Variants in ARMC8 observed in about 807,000 individuals in gnomAD.
ARMC8 encodes armadillo repeat-containing protein 8.
In ARMC8, 20 loss-of-function variants were observed where a neutral mutation model predicts 99.3. That is an observed-to-expected ratio of 0.20 (90% CI 0.14 to 0.29). ARMC8 has a LOEUF of 0.29. Among genes scored for constraint, ARMC8 ranks in the 10% least tolerant of loss-of-function variants. ARMC8 has a pLI of 1.00. For missense variants in ARMC8, 569 were observed against 809.5 expected (o/e 0.70, Z 3.60); for synonymous variants, 263 against 278.3 (o/e 0.95, Z 0.55).
chr3:138,201,981 G>A (rs1254777045), intron 1 of ARMC8, among the ~76,000 whole-genome samples: 1 of 152,140 alleles, frequency 6.6e-6, no homozygotes, highest in Non-Finnish European at 1.5e-5. Flanking sequence ...AACCCTGAGG[G>A]TAAGGAACTC....
At chr3:138,214,951 C>G (rs2044927657) in intron 2 of ARMC8, among the ~76,000 whole-genome samples, 1 of 152,122 alleles carries the variant, frequency 6.6e-6, no homozygotes, top group Non-Finnish European at 1.5e-5. Context: ...CCGTCTTAAT[C>G]AGTTATTTTT....
Position 138,267,113 on chromosome 3 carries a change from A to G in ARMC8, c.1300-42A>G, listed in dbSNP as rs569347451. 2.2e-5 allele frequency: 22 copies of G among 1,006,200 alleles called. No homozygotes were observed. In the African/African-American group the frequency reaches 3.4e-4, roughly 16 times the overall value. 62.3% of individuals were successfully genotyped at this position (1,006,200 alleles called of 1,614,324 possible). A position where few individuals can be genotyped will look rare whatever the true frequency, so the allele number is the denominator to read the frequency against. On this transcript the variant is annotated intron_variant, in intron 14 of 21. Transcript: ENST00000469044. ...ATATCTCATTTTATATCTCATCTTC[A>G]TCATTCCAAATCATTAGTAGTATCC...
intron 2 of ARMC8, among the ~76,000 whole-genome samples, chr3:138,215,120 A>G (rs548432497): frequency 7.9e-4 from 121 of 152,370 alleles, no homozygotes; most frequent in Non-Finnish European, 1.4e-3. Flanking sequence ...CATGGTCTTT[A>G]CTTGCAGACA....
At chr3:138,209,769 G>T (rs758574873) in intron 1 of ARMC8, 48 bp from the exon 2 acceptor site, 1 of 1,498,758 alleles carries the variant, frequency 6.7e-7, no homozygotes. Context: ...CTGTGAATTT[G>T]TGATTTGCAT....
At chr3:138,279,200 TTGAG>T (rs1315506700) in intron 18 of ARMC8, among the ~76,000 whole-genome samples, 1 of 152,186 alleles carries the variant, frequency 6.6e-6, no homozygotes, top group Non-Finnish European at 1.5e-5. Context: ...TTCTAGTTTG[TTGAG>T]TTTTTACCAT....
Position 138,255,942 on chromosome 3 carries a change from G to A in ARMC8, c.1135-7797G>A, listed in dbSNP as rs548797315. ...TTGCAGTGAGCCTAGATTTCGCCTG[G>A]GCGACAGAGTGAGACTCCATCTCAA... On this transcript the variant is annotated intron_variant, in intron 12 of 21. Coordinates refer to ENST00000469044, the MANE Select transcript of ARMC8 (RefSeq NM_001363941.2). Among the ~76,000 whole-genome samples the A allele has an allele frequency of 5.3e-5, 8 of 152,226 alleles. No homozygotes were observed. In the East Asian group the frequency reaches 1.5e-3, roughly 29 times the overall value.
chr3:138,272,739 G>A (rs2048911692), intron 16 of ARMC8, among the ~76,000 whole-genome samples: 1 of 152,114 alleles, frequency 6.6e-6, no homozygotes, highest in Non-Finnish European at 1.5e-5. Flanking sequence ...GCCAGGCGTG[G>A]TGGCTCGCGC....
rs531645910 is a variant in ARMC8, at chr3:138,233,642, C to T, written c.529-1392C>T. 6.6e-5 allele frequency among the ~76,000 whole-genome samples: 10 copies of T among 152,234 alleles called. No individual in the cohort carries two copies. In the South Asian group the frequency reaches 8.3e-4, roughly 13 times the overall value. ...TACCTATAAAGTAGAATATGATGGT[C>T]GTGCTATTCAGAAGTACGAATGCTA... On this transcript the variant is annotated intron_variant, in intron 6 of 21. Coordinates refer to ENST00000469044, the MANE Select transcript of ARMC8 (RefSeq NM_001363941.2).
intron 12 of ARMC8, 109 bp from the exon 13 acceptor site, chr3:138,263,629 GC>G: frequency 1.0e-6 from 1 of 1,004,378 alleles, no homozygotes; most frequent in Admixed American, 1.7e-5. Flanking sequence ...AAAAACTCTT[GC>G]CAAAAACAAC....
At chr3:138,245,738 C>T (rs1270475579) in intron 12 of ARMC8, 46 of 992,004 alleles carry the variant, frequency 4.6e-5, no homozygotes, top group Non-Finnish European at 5.5e-5. Context: ...AAAATGTATG[C>T]ACTGGTATAG....
chr3:138,291,103 TATAATC>T (rs1171753079), intron 21 of ARMC8, among the ~76,000 whole-genome samples: 1 of 152,252 alleles, frequency 6.6e-6, no homozygotes, highest in East Asian at 1.9e-4. Context: ...AGTCAAGAGT[TATAATC>T]AGATACTCAG....
At chr3:138,197,051 G>A (rs984313658) in intron 1 of ARMC8, among the ~76,000 whole-genome samples, 3 of 152,202 alleles carry the variant, frequency 2.0e-5, no homozygotes, top group Non-Finnish European at 4.4e-5. Flanking sequence ...AGGGCATTGT[G>A]TAGCAGGCCT....
At chr3:138,260,487 C>A (rs1282874935) in intron 12 of ARMC8, among the ~76,000 whole-genome samples, 1 of 152,192 alleles carries the variant, frequency 6.6e-6, no homozygotes, top group Non-Finnish European at 1.5e-5. Context: ...GATCATCACC[C>A]TATTCCCTTT....
At chr3:138,271,798 CTT>C (rs776320900) in intron 16 of ARMC8, among the ~76,000 whole-genome samples, 46 of 135,996 alleles carry the variant, frequency 3.4e-4, no homozygotes, top group Admixed American at 5.8e-4. Context: ...TTTTTTCTTT[CTT>C]TTTTTTTTTT....
At chr3:138,244,933 G>A (rs534603619) in intron 11 of ARMC8, among the ~76,000 whole-genome samples, 155 bp from the exon 12 acceptor site, 12 of 152,314 alleles carry the variant, frequency 7.9e-5, no homozygotes, top group African/African-American at 2.9e-4. Context: ...AGTGCTATGT[G>A]AACAGAATCC....
chr3:138,222,231 TTTGAC>T (rs2045441558), intron 3 of ARMC8, among the ~76,000 whole-genome samples: 1 of 152,212 alleles, frequency 6.6e-6, no homozygotes, highest in Non-Finnish European at 1.5e-5. Flanking sequence ...CAGGAAGACC[TTTGAC>T]CTGATGACAA....
intron 20 of ARMC8, 88 bp from the exon 21 acceptor site, chr3:138,290,458 C>A: frequency 1.0e-6 from 1 of 972,384 alleles, no homozygotes; most frequent in Non-Finnish European, 1.6e-6. Context: ...GAGTGAAGGA[C>A]ACTGGTAAGG....
intron 2 of ARMC8, among the ~76,000 whole-genome samples, chr3:138,219,317 T>C (rs1263082698): frequency 1.3e-5 from 2 of 152,250 alleles, no homozygotes; most frequent in African/African-American, 4.8e-5. Context: ...AATGATCTAC[T>C]GACAGTAACT....
At chr3:138,202,412 A>T (rs1055160523) in intron 1 of ARMC8, among the ~76,000 whole-genome samples, 1 of 152,180 alleles carries the variant, frequency 6.6e-6, no homozygotes, top group Non-Finnish European at 1.5e-5. Context: ...TTAGTTGAGG[A>T]TGGGTATTTT....
Sources: gnomAD v4.1 joint callset for allele counts (sites outside exome capture counted in the v4.1 genomes callset) on GRCh38, gnomAD v4.1.1 for gene constraint, MANE v1.5 for transcripts, NCBI Gene and HGNC (gene_info 2026-07-23, HGNC 2026-07-21) for gene names.